The following NRCAM variants were observed in gnomAD, a reference collection of about 807,000 sequenced individuals.
NRCAM encodes NgCAM-related cell adhesion molecule.
A neutral mutation model predicts 156.5 loss-of-function variants in NRCAM; 83 were observed. That is an observed-to-expected ratio of 0.53 (90% CI 0.44 to 0.64). The LOEUF is 0.64. Ranked by LOEUF, NRCAM falls within the 30% of genes least tolerant of loss-of-function variation. The pLI is 0.00. For missense variants in NRCAM, 1,417 were observed against 1,597.3 expected, an observed-to-expected ratio of 0.89 and a Z score of 1.92; for synonymous variants, 538 against 563.9, an observed-to-expected ratio of 0.95 and a Z score of 0.65.
intron 2 of NRCAM, among the ~76,000 whole-genome samples, chr7:108,363,086 A>C (rs900009566): frequency 2.6e-5 from 4 of 152,198 alleles, no homozygotes; most frequent in African/African-American, 9.6e-5. Context: ...CCAATGGCCT[A>C]ACTAGAATAA....
At chr7:108,232,262 C>G in intron 7 of NRCAM, 64 bp downstream of exon 7, 1 of 1,208,046 alleles carries the variant, frequency 8.3e-7, no homozygotes, top group Non-Finnish European at 1.2e-6. Context: ...GATGATGTCA[C>G]AGAAGCTGAG....
At chr7:108,291,996 G>A (rs1188258501) in intron 3 of NRCAM, among the ~76,000 whole-genome samples, 2 of 152,194 alleles carry the variant, frequency 1.3e-5, no homozygotes, top group Non-Finnish European at 2.9e-5. Context: ...AAAGGGCACT[G>A]GGGCCCCGCT....
intron 13 of NRCAM, among the ~76,000 whole-genome samples, chr7:108,199,613 G>C (rs961330447): frequency 1.3e-5 from 2 of 152,134 alleles, no homozygotes; most frequent in African/African-American, 2.4e-5. Flanking sequence ...CAAAGCTGTC[G>C]ATGTTGCATC....
rs539335723 is a variant in NRCAM, at chr7:108,166,949, A to T, written c.3438T>A (p.Ser1146Arg). ...GGCCTGTCTCAAACACATCCTCTGA[A>T]CTCACAAAACCAGAGTCCCCCACAG... ...VGAVGDSGFV[S>R]SEDVFETGPA... The change falls in exon 30 of 33, where the codon AGT becomes AGA. Residue 1146 changes from serine (S) to arginine (R), a missense_variant. Around this residue, in one of 2 missense-constraint regions of NRCAM, gnomAD observed 179 missense variants for 260.9 expected, o/e 0.69. Transcript: ENST00000379028. The T allele has an allele frequency of 1.2e-6, 2 of 1,613,776 alleles. No homozygotes were observed. The highest frequency in any genetic ancestry group is 2.7e-5 in the African/African-American group (2 of 74,998).
At chr7:108,410,871 A>G (rs1223179355) in intron 1 of NRCAM, among the ~76,000 whole-genome samples, 1 of 152,076 alleles carries the variant, frequency 6.6e-6, no homozygotes, top group African/African-American at 2.4e-5. Flanking sequence ...GCAAAGAAAA[A>G]CGCCTTGTTT....
chr7:108,389,159 A>G (rs547890190), intron 2 of NRCAM, among the ~76,000 whole-genome samples: 1 of 152,210 alleles, frequency 6.6e-6, no homozygotes, highest in African/African-American at 2.4e-5. Context: ...CAGTATGGCC[A>G]TTTTCACGAT....
At chr7:108,166,459 G>A (rs985525903) in intron 30 of NRCAM, among the ~76,000 whole-genome samples, 5 of 151,864 alleles carry the variant, frequency 3.3e-5, no homozygotes, top group African/African-American at 1.2e-4. Flanking sequence ...TGTTGGCCAG[G>A]CTGGTCTCGA....
chr7:108,360,351 T>C lies in NRCAM; in HGVS notation c.-174+39085A>G, dbSNP rs534851243. Among the ~76,000 whole-genome samples the C allele has an allele frequency of 2.0e-5, 3 of 152,240 alleles. No homozygotes were observed. The South Asian group carries it at 6.2e-4, about 32-fold the overall frequency. ...GCAAGATTAATTAACTGCTGAAAAT[T>C]AACAGCCCTGAAAAAGAGGCACAGG... On this transcript the variant is annotated intron_variant, in intron 2 of 32. Coordinates refer to ENST00000379028, the MANE Select transcript of NRCAM (RefSeq NM_001037132.4).
At chr7:108,266,645 C>G (rs2097115669) in intron 3 of NRCAM, among the ~76,000 whole-genome samples, 1 of 152,194 alleles carries the variant, frequency 6.6e-6, no homozygotes, top group Non-Finnish European at 1.5e-5. Context: ...CAATCTCTTA[C>G]CTTCTGAGAA....
Position 108,149,875 on chromosome 7 carries a change from C to G in NRCAM, c.*35G>C. On this transcript the variant is annotated 3_prime_UTR_variant, in exon 33 of 33. Transcript: ENST00000379028. ...CAAACAAGTGCTTAGGATAAACATT[C>G]TAGAGAAATGGAATATTGGCAAAGA... 1.9e-6 allele frequency: 3 copies of G among 1,548,288 alleles called. No individual in the cohort carries two copies. Among genetic ancestry groups the G allele is most frequent in the Non-Finnish European group, 2.6e-6 (3 of 1,132,708 alleles).
intron 1 of NRCAM, among the ~76,000 whole-genome samples, chr7:108,448,186 G>T (rs190023047): frequency 6.6e-6 from 1 of 152,194 alleles, no homozygotes; most frequent in Admixed American, 6.5e-5. Context: ...AACACACAAG[G>T]TATATATCAT....
chr7:108,322,806 T>C (rs2099018498), intron 2 of NRCAM, among the ~76,000 whole-genome samples: 1 of 152,212 alleles, frequency 6.6e-6, no homozygotes, highest in Non-Finnish European at 1.5e-5. Flanking sequence ...TAACTATAGT[T>C]AAGTTCAAAT....
intron 25 of NRCAM, among the ~76,000 whole-genome samples, chr7:108,179,560 C>G (rs2062398518): frequency 1.3e-5 from 2 of 151,926 alleles, no homozygotes; most frequent in African/African-American, 4.8e-5. Flanking sequence ...CTACATGGGC[C>G]CCTCTTTCCC....
chr7:108,272,398 G>A (rs2097389075), intron 3 of NRCAM, among the ~76,000 whole-genome samples: 1 of 152,120 alleles, frequency 6.6e-6, no homozygotes, highest in African/African-American at 2.4e-5. Context: ...CTAAAGTAGG[G>A]GTTAGTGCAG....
chr7:108,364,148 A>G (rs1315476355), intron 2 of NRCAM, among the ~76,000 whole-genome samples: 1 of 152,240 alleles, frequency 6.6e-6, no homozygotes, highest in Admixed American at 6.5e-5. Context: ...TAATTTTTCT[A>G]TAAATCTATA....
intron 2 of NRCAM, among the ~76,000 whole-genome samples, chr7:108,340,177 C>T (rs1313011190): frequency 6.6e-6 from 1 of 152,128 alleles, no homozygotes; most frequent in African/African-American, 2.4e-5. Flanking sequence ...ATAAGCAACC[C>T]CCTTCAACCC....
chr7:108,394,669 T>G (rs1020304660), intron 2 of NRCAM, among the ~76,000 whole-genome samples: 2 of 152,222 alleles, frequency 1.3e-5, no homozygotes, highest in African/African-American at 4.8e-5. Flanking sequence ...TAATGGATAG[T>G]TATTATCCAG....
chr7:108,315,856 C>T (rs1020659114), intron 2 of NRCAM, among the ~76,000 whole-genome samples: 10 of 152,212 alleles, frequency 6.6e-5, no homozygotes. Flanking sequence ...CTCACAGAAG[C>T]ATCTGACTGC....
chr7:108,404,483 A>C (rs976260226), intron 1 of NRCAM, among the ~76,000 whole-genome samples: 42 of 152,306 alleles, frequency 2.8e-4, no homozygotes, highest in Non-Finnish European at 5.6e-4. Flanking sequence ...ACAGATTTAA[A>C]AAGTAAGTTT....
Sources: allele counts gnomAD v4.1 joint callset (sites outside exome capture counted in the v4.1 genomes callset), GRCh38; gene constraint gnomAD v4.1.1; regional missense constraint gnomAD v4.1.1; transcripts MANE v1.5; gene names NCBI Gene and HGNC (gene_info 2026-07-23, HGNC 2026-07-21).